Variants in ADCY4 observed in about 807,000 individuals in gnomAD.
ADCY4 encodes the protein adenylate cyclase type 4.
ADCY4 carries 111 observed loss-of-function variants against 125.5 expected under a neutral mutation model. The observed-to-expected ratio is 0.88, with a 90% CI of 0.76 to 1.04. ADCY4 has a LOEUF of 1.04. ADCY4 is among the 50% of genes least tolerant of loss of function. The probability of loss-of-function intolerance (pLI) is 0.00; values close to 1 mark genes in which losing one functional copy is unlikely to be tolerated. For missense variants in ADCY4, 1,256 were observed against 1,382.9 expected (o/e 0.91, Z 1.46); for synonymous variants, 576 against 586.9 (o/e 0.98, Z 0.27).
chr14:24,331,797 C>T lies in ADCY4; in HGVS notation c.660G>A (p.Lys220=), dbSNP rs781203348. The change falls in exon 4 of 25, where the codon AAG becomes AAA. Residue 220 remains lysine, a synonymous_variant. Transcript: ENST00000418030. Reference sequence around the variant, plus strand: ...CCTAGGCCCGGCTGACCTGGTGCTTCTTCTCGGTGTCCAGCCGCCGGCGTG... The same window carrying T: ...CCTAGGCCCGGCTGACCTGGTGCTTTTTCTCGGTGTCCAGCCGCCGGCGTG... The part of the protein sequence containing the change: ...LHSRRRLDTE[K]KHQEHLLLSI... 17 of 1,584,918 alleles carry T rather than the reference C, an allele frequency of 1.1e-5. No individual in the cohort carries two copies. The East Asian group carries it at 3.9e-4, about 36-fold the overall frequency.
chr14:24,323,820 T>A, intron 16 of ADCY4: 1 of 416,266 alleles, frequency 2.4e-6, no homozygotes, highest in Non-Finnish European at 3.2e-6. Context: ...GTGATCTAAG[T>A]AATAAGTAAC....
At chr14:24,331,757 C>T in intron 4 of ADCY4, 31 bp downstream of exon 4, 1 of 1,533,512 alleles carries the variant, frequency 6.5e-7, no homozygotes, top group Non-Finnish European at 8.8e-7. Context: ...TCCCTCGGAG[C>T]GCTGCTCTGA....
Position 24,322,186 on chromosome 14 carries a change from C to T in ADCY4, c.2466G>A (p.Lys822=), listed in dbSNP as rs777083378. The change falls in exon 20 of 25, where the codon AAG becomes AAA. Residue 822 remains lysine (K), a synonymous_variant. Transcript: ENST00000418030. ...YYCRLDFLWK[K]KLRQEREETE... Reference sequence around the variant, plus strand: ...TCTCCTCCCTCTCCTGCCTCAGCTTCTTCTTCCACAGGAAGTCCAGGCGGC... The same window carrying T: ...TCTCCTCCCTCTCCTGCCTCAGCTTTTTCTTCCACAGGAAGTCCAGGCGGC... The T allele has an allele frequency of 1.9e-6, 3 of 1,614,012 alleles. No homozygotes were observed. Among genetic ancestry groups the T allele is most frequent in the African/African-American group, 2.7e-5 (2 of 74,912 alleles).
At chr14:24,327,550 T>C (rs543018434) in intron 10 of ADCY4, among the ~76,000 whole-genome samples, 1 of 152,214 alleles carries the variant, frequency 6.6e-6, no homozygotes, top group Non-Finnish European at 1.5e-5. Context: ...CCCTACCTCA[T>C]GTTAACACTT....
rs149204857 is a variant in ADCY4, at chr14:24,322,995, G to A, written c.2251C>T (p.Leu751=). The A allele has an allele frequency of 1.2e-6, 2 of 1,614,100 alleles. No homozygotes were observed. Among genetic ancestry groups the A allele is most frequent in the Non-Finnish European group, 1.7e-6 (2 of 1,179,992 alleles). ...AGGAAGAGGGAGCAGGATGCCGCCA[G>A]CCACAGCAGGAGCAGCAGCAGCTTC... ...ELKLLLLLLW[L]AASCSLFLHS... Residue 751 remains leucine, a synonymous_variant, in exon 18 of 25, where the codon CTG becomes TTG. Coordinates refer to ENST00000418030, the MANE Select transcript of ADCY4 (RefSeq NM_001198568.2).
Position 24,319,760 on chromosome 14 carries a change from TATCTC to T in ADCY4, c.2710_2714del (p.Glu904AsnfsTer3). ...TTTTCACCTCATCAAAATCAGCAAT[TATCTC>T]ATTGAGCAGCCTCAGACACTCTAGG... On this transcript the variant is annotated frameshift_variant, in exon 21 of 25. Coordinates refer to ENST00000418030, the MANE Select transcript of ADCY4 (RefSeq NM_001198568.2). LOFTEE classifies it high-confidence loss of function. The surrounding 1 kb of genome is among the most constrained non-coding windows in gnomAD (Gnocchi z 4.5). The T allele has an allele frequency of 6.2e-7, 1 of 1,614,140 alleles. No homozygotes were observed. The highest frequency in any genetic ancestry group is 8.5e-7 in the Non-Finnish European group (1 of 1,180,030).
chr14:24,332,418 G>T (rs2042055875), intron 3 of ADCY4, 104 bp downstream of exon 3: 1 of 1,331,190 alleles, frequency 7.5e-7, no homozygotes, highest in Non-Finnish European at 1.0e-6. Flanking sequence ...TGCGCCCAGC[G>T]TTGCACCTTG....
chr14:24,328,435 A>G (rs913082043), intron 10 of ADCY4, among the ~76,000 whole-genome samples: 2 of 152,222 alleles, frequency 1.3e-5, no homozygotes, highest in Non-Finnish European at 2.9e-5. Flanking sequence ...TCCAGATAGC[A>G]GTAGTAAATT....
intron 4 of ADCY4, 84 bp from the exon 5 acceptor site, chr14:24,331,440 C>T (rs541394409): frequency 1.3e-6 from 2 of 1,568,912 alleles, no homozygotes; most frequent in Admixed American, 1.7e-5. Context: ...GGAGCCCACA[C>T]TGCCCATCCT....
intron 10 of ADCY4, 43 bp downstream of exon 10, chr14:24,329,018 G>A (rs747695954): frequency 1.9e-6 from 3 of 1,594,078 alleles, no homozygotes; most frequent in East Asian, 2.2e-5. Context: ...TACTGGGGGT[G>A]GATTTAACTA....
Position 24,319,597 on chromosome 14 carries a change from G to T in ADCY4, c.2733+145C>A. ...GTGGTGGGCAGTGTTGCTGGAGTGG[G>T]TAGATCTGGGGGATCAGAGGAGGTG... On this transcript the variant is annotated intron_variant, in intron 21 of 24. Coordinates refer to ENST00000418030, the MANE Select transcript of ADCY4 (RefSeq NM_001198568.2). This position sits in a 1 kb window ranked among gnomAD's most constrained non-coding sequence, Gnocchi z 4.5. 2 of 1,244,102 alleles carry T rather than the reference G, an allele frequency of 1.6e-6. No individual in the cohort carries two copies. The highest frequency in any genetic ancestry group is 4.9e-5 in the East Asian group (2 of 40,416). The allele number at this position is 1,244,102 out of a possible 1,614,324, so 77.1% of individuals were successfully genotyped here. A position where few individuals can be genotyped will look rare whatever the true frequency, so the allele number is the denominator to read the frequency against.
intron 6 of ADCY4, 146 bp from the exon 7 acceptor site, chr14:24,330,441 T>A: frequency 9.4e-7 from 1 of 1,060,818 alleles, no homozygotes; most frequent in South Asian, 1.5e-5. Flanking sequence ...GGGACTCCTT[T>A]CACTTGATAT....
rs758070028 is a variant in ADCY4 at position 24,322,737 on chromosome 14, C to T, written c.2343-29G>A. 5.0e-6 allele frequency: 8 copies of T among 1,608,580 alleles called. No homozygotes were observed. In the East Asian group the frequency reaches 1.8e-4, roughly 36 times the overall value. ...AAGGGGCCATGGATCAGGGTGACCCCTTGCTTTCCCCCTTCCTGGCCTTCT... is the reference window on the plus strand; with the variant it reads ...AAGGGGCCATGGATCAGGGTGACCCTTTGCTTTCCCCCTTCCTGGCCTTCT... On this transcript the variant is annotated intron_variant, in intron 18 of 24. Transcript: ENST00000418030.
At chr14:24,323,653 A>C (rs1165476564) in intron 16 of ADCY4, 199 bp from the exon 17 acceptor site, 1 of 1,403,140 alleles carries the variant, frequency 7.1e-7, no homozygotes, top group Non-Finnish European at 9.3e-7. Context: ...CGTCAAGAGT[A>C]CTCCTCTGAC....
In ADCY4 at chr14:24,324,503, G is replaced by A. The variant is rs575385849; in HGVS notation, c.1824-112C>T. Reference sequence around the variant, plus strand: ...AGGGGAAGTGGTTCTGGGGAATCTGGGTTGGCTGGCGATGGGGTCCCGGCT... The same window carrying A: ...AGGGGAAGTGGTTCTGGGGAATCTGAGTTGGCTGGCGATGGGGTCCCGGCT... On this transcript the variant is annotated intron_variant, in intron 14 of 24. Transcript: ENST00000418030. 2.8e-5 allele frequency: 36 copies of A among 1,294,730 alleles called. No individual in the cohort carries two copies. The African/African-American group carries it at 5.3e-4, about 19-fold the overall frequency. The allele number at this position is 1,294,730 out of a possible 1,614,324, so 80.2% of individuals were successfully genotyped here.
Position 24,319,797 on chromosome 14 carries a change from T to C in ADCY4, c.2678A>G (p.His893Arg), listed in dbSNP as rs1051814407. ...KEFYSESNIN[H>R]EGLECLRLLN... ...CAGCCTCAGACACTCTAGGCCCTCA[T>C]GATTGATGTTGGATTCAGAGTAGAA... Residue 893 changes from histidine to arginine, a missense_variant, in exon 21 of 25, where the codon CAT (histidine) becomes CGT (arginine). His to Arg is a conservative substitution (Grantham distance 29). Transcript: ENST00000418030. This position sits in a 1 kb window ranked among gnomAD's most constrained non-coding sequence, Gnocchi z 4.5. 1.2e-6 allele frequency: 2 copies of C among 1,614,080 alleles called. No homozygotes were observed. The highest frequency in any genetic ancestry group is 1.7e-5 in the Admixed American group (1 of 60,018).
chr14:24,319,485 C>T lies in ADCY4; in HGVS notation c.2734-49G>A. 1.3e-6 allele frequency: 2 copies of T among 1,573,958 alleles called. No individual in the cohort carries two copies. Among genetic ancestry groups the T allele is most frequent in the Non-Finnish European group, 8.7e-7 (1 of 1,145,340 alleles). ...CCCCAGTCTCTCTTACTCTCTCCATCACCTCTCCCAGAAGCCCAGCCCCAA... is the reference window on the plus strand; with the variant it reads ...CCCCAGTCTCTCTTACTCTCTCCATTACCTCTCCCAGAAGCCCAGCCCCAA... On this transcript the variant is annotated intron_variant, in intron 21 of 24. Transcript: ENST00000418030. The surrounding 1 kb of genome is among the most constrained non-coding windows in gnomAD (Gnocchi z 4.5).
At position 24,334,671 on chromosome 14, in the gene ADCY4, C is replaced by G; in HGVS notation, c.-19G>C. On this transcript the variant is annotated 5_prime_UTR_variant, in exon 1 of 25. Coordinates refer to ENST00000418030, the MANE Select transcript of ADCY4 (RefSeq NM_001198568.2). ...GGGCCATGATCTCCCCAGCCCCGAG[C>G]CCCGGGGCTGGCTAGGGCCGGGCGC... 1.3e-6 allele frequency: 2 copies of G among 1,524,906 alleles called. No homozygotes were observed. The highest frequency in any genetic ancestry group is 1.8e-6 in the Non-Finnish European group (2 of 1,138,160). 94.5% of individuals were successfully genotyped at this position (1,524,906 alleles called of 1,614,324 possible). A position where few individuals can be genotyped will look rare whatever the true frequency, so the allele number is the denominator to read the frequency against.
Position 24,324,117 on chromosome 14 carries a change from A to G in ADCY4, c.1991T>C (p.Ile664Thr), listed in dbSNP as rs752940480. The stretch of plus-strand genomic sequence containing the variant: ...GAGGATGGTGGCGGTGCCCAAGGCT[A>G]TTCTCAGTCCTGGTCGTGTGGCCAC... ...GLVATRPGLR[I>T]ALGTATILLV... The change falls in exon 16 of 25, where the codon ATA becomes ACA. Residue 664 changes from isoleucine (I) to threonine (T), a missense_variant. Coordinates refer to ENST00000418030, the MANE Select transcript of ADCY4 (RefSeq NM_001198568.2). 20 of 1,614,114 alleles carry G rather than the reference A, an allele frequency of 1.2e-5. No homozygotes were observed. Among genetic ancestry groups the G allele is most frequent in the Middle Eastern group, 1.6e-4 (1 of 6,084 alleles).
Sources: allele counts gnomAD v4.1 joint callset (sites outside exome capture counted in the v4.1 genomes callset), GRCh38; gene constraint gnomAD v4.1.1; non-coding constraint Gnocchi (gnomAD v3.1); transcripts MANE v1.5; gene names NCBI Gene and HGNC (gene_info 2026-07-23, HGNC 2026-07-21).